The following PPP6R2 variants were observed in gnomAD, a reference collection of about 807,000 sequenced individuals.
The protein encoded by PPP6R2 is protein phosphatase 6 regulatory subunit 2, also known as serine/threonine-protein phosphatase 6 regulatory subunit 2.
In PPP6R2, 62 loss-of-function variants were observed where a neutral mutation model predicts 100.2. The ratio of observed to expected loss-of-function variants is 0.62; its 90% CI spans 0.50 to 0.76. PPP6R2 has a LOEUF of 0.76. Among genes scored for constraint, PPP6R2 ranks in the 30% least tolerant of loss-of-function variants. PPP6R2 has a pLI of 0.00. For missense variants in PPP6R2, 1,142 were observed against 1,276.3 expected (o/e 0.89, Z 1.60); for synonymous variants, 525 against 514.7 (o/e 1.02, Z -0.27).
At chr22:50,437,950 T>C in intron 17 of PPP6R2, 50 bp downstream of exon 17, 1 of 1,565,254 alleles carries the variant, frequency 6.4e-7, no homozygotes, top group South Asian at 1.1e-5. Context: ...CCCAGGCAGC[T>C]CAGGCCATGC....
intron 4 of PPP6R2, among the ~76,000 whole-genome samples, chr22:50,411,686 G>C (rs2059760387): frequency 6.6e-6 from 1 of 152,110 alleles, no homozygotes; most frequent in Non-Finnish European, 1.5e-5. Flanking sequence ...CCCGAGGGTG[G>C]AGGTTGCAGT....
intron 6 of PPP6R2, 148 bp downstream of exon 6, chr22:50,416,305 C>A: frequency 3.1e-6 from 2 of 644,126 alleles, no homozygotes; most frequent in South Asian, 2.4e-5. Flanking sequence ...TTTAATCAAG[C>A]ACTGACTTCT....
chr22:50,422,390 C>T lies in PPP6R2; in HGVS notation c.972+10C>T, dbSNP rs7410356. On this transcript the variant is annotated intron_variant, in intron 9 of 23. Transcript: ENST00000612753. ...GCTCAACCCGCCCAAGGTAAATGGC[C>T]GTGGCGACTGCTGAGTGCCTTTGGA... is the stretch of plus-strand genomic sequence containing the variant. 1,255 of 1,613,476 alleles carry T rather than the reference C, an allele frequency of 7.8e-4. 4 individuals carry two copies. Among genetic ancestry groups the T allele is most frequent in the African/African-American group, 5.6e-3 (422 of 75,020 alleles).
In PPP6R2 at chr22:50,385,282, G is replaced by T. The variant is rs11704003; in HGVS notation, c.-16-8611G>T. Among the ~76,000 whole-genome samples, 171 of 151,844 alleles carry T rather than the reference G, an allele frequency of 1.1e-3. 1 individual carries two copies. Among genetic ancestry groups the T allele is most frequent in the Non-Finnish European group, 2.1e-3 (145 of 67,924 alleles). On this transcript the variant is annotated intron_variant, in intron 2 of 23. Transcript: ENST00000612753. ...GCGATTTAGACTCACTGCAGCCTCT[G>T]CCTCCCAGGTTCAAGCGATTCTTGT...
intron 4 of PPP6R2, among the ~76,000 whole-genome samples, chr22:50,407,747 C>G (rs990950753): frequency 6.6e-6 from 1 of 152,230 alleles, no homozygotes; most frequent in Non-Finnish European, 1.5e-5. Context: ...GCGTGGTGGT[C>G]CCTGTGCCTG....
chr22:50,339,006 TG>T (rs1479773328), upstream of PPP6R2, among the ~76,000 whole-genome samples: 1 of 129,632 alleles, frequency 7.7e-6, no homozygotes, highest in African/African-American at 3.1e-5. Context: ...GTGTGGTATG[TG>T]GTGTGTGGTG....
At chr22:50,396,322 C>T (rs1315957970) in intron 3 of PPP6R2, among the ~76,000 whole-genome samples, 1 of 151,918 alleles carries the variant, frequency 6.6e-6, no homozygotes, top group African/African-American at 2.4e-5. Context: ...TGGTGAAACC[C>T]CGTCTCTACT....
intron 2 of PPP6R2, among the ~76,000 whole-genome samples, chr22:50,372,877 C>T (rs1011673926): frequency 3.3e-5 from 5 of 151,852 alleles, no homozygotes; most frequent in Admixed American, 6.6e-5. Flanking sequence ...GTAGTAGAGA[C>T]GGGGTTTCAC....
intron 12 of PPP6R2, among the ~76,000 whole-genome samples, chr22:50,432,570 C>G (rs2063359719): frequency 6.6e-6 from 1 of 152,190 alleles, no homozygotes; most frequent in African/African-American, 2.4e-5. Flanking sequence ...CCGTCCCCAC[C>G]AGGCACCTGC....
At chr22:50,375,936 G>A (rs1223426180) in intron 2 of PPP6R2, among the ~76,000 whole-genome samples, 1 of 146,268 alleles carries the variant, frequency 6.8e-6, no homozygotes, top group East Asian at 2.0e-4. Flanking sequence ...TGCCTCCCAG[G>A]TTGAAGCGAT....
At chr22:50,440,111 G>GC in intron 21 of PPP6R2, 62 bp downstream of exon 21, 1 of 1,468,866 alleles carries the variant, frequency 6.8e-7, no homozygotes, top group Non-Finnish European at 9.3e-7. Context: ...AGGCCAGCTG[G>GC]CCCCCCTCCT....
intron 2 of PPP6R2, among the ~76,000 whole-genome samples, chr22:50,375,832 A>T (rs1275083290): frequency 2.8e-4 from 18 of 64,550 alleles, no homozygotes; most frequent in Admixed American, 3.7e-4. Flanking sequence ...ATCCCTGCAG[A>T]TTTTTTTTTT....
In PPP6R2 at chr22:50,381,658, C is replaced by T. The variant is rs769468940; in HGVS notation, c.-17+9508C>T. ...GAAACTGGCCAGGCGTGGTGGCTCA[C>T]GCCTGTAATCCCAGCACTTTGGGAG... is the stretch of plus-strand genomic sequence containing the variant. On this transcript the variant is annotated intron_variant, in intron 2 of 23. Transcript: ENST00000612753. Among the ~76,000 whole-genome samples, 3 of 152,152 alleles carry T rather than the reference C, an allele frequency of 2.0e-5. No individual in the cohort carries two copies. The East Asian group carries it at 5.8e-4, about 29-fold the overall frequency.
intron 4 of PPP6R2, among the ~76,000 whole-genome samples, chr22:50,410,258 A>G (rs1394454832): frequency 6.6e-6 from 1 of 152,018 alleles, no homozygotes; most frequent in East Asian, 1.9e-4. Flanking sequence ...GCCATCACTG[A>G]TTGTGTGAGT....
intron 2 of PPP6R2, chr22:50,389,063 C>T (rs1349400961): frequency 6.6e-6 from 1 of 152,110 alleles, no homozygotes; most frequent in African/African-American, 2.4e-5. Context: ...ATATGCCATC[C>T]TGAAAAAGGA....
At chr22:50,435,379 C>T (rs1250374764) in intron 13 of PPP6R2, among the ~76,000 whole-genome samples, 8 of 152,196 alleles carry the variant, frequency 5.3e-5, no homozygotes, top group South Asian at 2.1e-4. Flanking sequence ...ACTCAGAAGC[C>T]GTTAGCGCCA....
chr22:50,356,449 C>T (rs893412321), intron 1 of PPP6R2, among the ~76,000 whole-genome samples: 2 of 151,868 alleles, frequency 1.3e-5, no homozygotes, highest in African/African-American at 4.8e-5. Context: ...ACTGCAGGTA[C>T]ACACCACCAT....
intron 1 of PPP6R2, among the ~76,000 whole-genome samples, chr22:50,347,537 G>C (rs1039914676): frequency 6.7e-6 from 1 of 150,260 alleles, no homozygotes; most frequent in South Asian, 2.1e-4. Context: ...ACTGTCCCCC[G>C]ACCTGCCACT....
intron 1 of PPP6R2, among the ~76,000 whole-genome samples, chr22:50,359,705 T>C (rs28780804): frequency 0.23 from 34,823 of 151,974 alleles, 6,063 homozygotes; most frequent in African/African-American, 0.48. Flanking sequence ...GTAGAATCCT[T>C]TTTATATGTG....
Sources: allele counts gnomAD v4.1 joint callset (sites outside exome capture counted in the v4.1 genomes callset), GRCh38; gene constraint gnomAD v4.1.1; transcripts MANE v1.5; gene names NCBI Gene and HGNC (gene_info 2026-07-23, HGNC 2026-07-21).